The following KCNG2 variants were observed in gnomAD, a reference collection of about 807,000 sequenced individuals.
KCNG2 encodes the protein voltage-gated potassium channel regulatory subunit KCNG2.
Under a neutral mutation model 12.3 loss-of-function variants are expected in KCNG2, and 7 were observed. The observed-to-expected ratio is 0.57, with a 90% confidence interval of 0.32 to 1.07. KCNG2 has a LOEUF of 1.07. Among genes scored for constraint, KCNG2 ranks in the 50% least tolerant of loss-of-function variants. KCNG2 has a pLI of 0.04. For synonymous variants in KCNG2, 414 were observed against 351.4 expected, an observed-to-expected ratio of 1.18 and a Z score of -1.99; for missense variants, 703 against 726.0, an observed-to-expected ratio of 0.97 and a Z score of 0.36.
chr18:79,807,831 G>A (rs1484616681), intron 1 of KCNG2, among the ~76,000 whole-genome samples: 7 of 130,982 alleles, frequency 5.3e-5, no homozygotes, highest in Non-Finnish European at 9.7e-5. Context: ...GCGCTCTGAG[G>A]AGCTGCCGGG....
At chr18:79,816,122 A>G (rs1568243723) in intron 1 of KCNG2, 1 of 152,252 alleles carries the variant, frequency 6.6e-6, no homozygotes, top group African/African-American at 2.4e-5. Flanking sequence ...GTAGAGAAAA[A>G]TAAGAAACAT....
intron 1 of KCNG2, among the ~76,000 whole-genome samples, chr18:79,841,492 T>C (rs1978457883): frequency 6.6e-6 from 1 of 152,202 alleles, no homozygotes; most frequent in Admixed American, 6.5e-5. Context: ...GAGAAAATAT[T>C]TGCAAACTAT....
At chr18:79,845,952 G>A (rs1453673411) in intron 1 of KCNG2, among the ~76,000 whole-genome samples, 4 of 152,018 alleles carry the variant, frequency 2.6e-5, no homozygotes, top group African/African-American at 9.7e-5. Context: ...TTAGCCAGGC[G>A]TAGTGGCGGG....
At chr18:79,878,872 G>A (rs1334950650) in intron 3 of KCNG2, among the ~76,000 whole-genome samples, 1 of 152,242 alleles carries the variant, frequency 6.6e-6, no homozygotes, top group Non-Finnish European at 1.5e-5. Context: ...GTTGTGGAGC[G>A]AGACCTGTGG....
intron 1 of KCNG2, among the ~76,000 whole-genome samples, chr18:79,825,863 G>A (rs1317236412): frequency 1.3e-5 from 2 of 152,260 alleles, no homozygotes; most frequent in Non-Finnish European, 2.9e-5. Flanking sequence ...TGCACTGTCA[G>A]CCTGTCTGTG....
At chr18:79,828,415 C>T (rs1036438011) in intron 1 of KCNG2, among the ~76,000 whole-genome samples, 9 of 149,190 alleles carry the variant, frequency 6.0e-5, no homozygotes, top group African/African-American at 2.2e-4. Flanking sequence ...TCAGTGTGTG[C>T]ATGTTTGGGT....
At chr18:79,836,926 C>T (rs1382274385) in intron 1 of KCNG2, among the ~76,000 whole-genome samples, 1 of 152,150 alleles carries the variant, frequency 6.6e-6, no homozygotes, top group Non-Finnish European at 1.5e-5. Context: ...AATCTCATGT[C>T]CTCACATTTT....
At chr18:79,872,182 G>T (rs1979859356) in intron 3 of KCNG2, among the ~76,000 whole-genome samples, 1 of 148,518 alleles carries the variant, frequency 6.7e-6, no homozygotes, top group African/African-American at 2.5e-5. Flanking sequence ...CAGATTTGAT[G>T]GGGAAAACAT....
In KCNG2 at chr18:79,842,583, A is replaced by G. The variant is rs149972257; in HGVS notation, c.-114-13796A>G. 2.4e-4 allele frequency among the ~76,000 whole-genome samples: 36 copies of G among 152,360 alleles called. 1 individual carries two copies. In the East Asian group the frequency reaches 6.9e-3, roughly 29 times the overall value. ...TAATCTTAAAGAAGCTCAGTGAGCT[A>G]CAAGAGAACACCAATAGACAACTAA... is the stretch of plus-strand genomic sequence containing the variant. On this transcript the variant is annotated intron_variant, in intron 1 of 3. Transcript: ENST00000316249.
chr18:79,821,926 A>G (rs1333932651), intron 1 of KCNG2, among the ~76,000 whole-genome samples: 1 of 152,138 alleles, frequency 6.6e-6, no homozygotes, highest in Non-Finnish European at 1.5e-5. Flanking sequence ...AAGACTCCAT[A>G]TGAATTTTAG....
intron 3 of KCNG2, among the ~76,000 whole-genome samples, chr18:79,888,643 C>T (rs1408342098): frequency 1.3e-5 from 2 of 152,214 alleles, no homozygotes; most frequent in Non-Finnish European, 2.9e-5. Flanking sequence ...TTTTCATGTC[C>T]TTCCTGACAG....
intron 1 of KCNG2, among the ~76,000 whole-genome samples, chr18:79,817,932 G>A (rs2087542256): frequency 6.6e-6 from 1 of 152,226 alleles, no homozygotes; most frequent in African/African-American, 2.4e-5. Context: ...GGTGAATTGG[G>A]CTCTTTCCTG....
intron 3 of KCNG2, among the ~76,000 whole-genome samples, chr18:79,877,094 A>T (rs187355227): frequency 8.5e-5 from 13 of 152,372 alleles, no homozygotes; most frequent in African/African-American, 3.1e-4. Flanking sequence ...TCCCTTACAT[A>T]GATTTAATAT....
chr18:79,867,136 TGTGTG>T (rs1979621499), intron 3 of KCNG2, among the ~76,000 whole-genome samples: 1 of 149,530 alleles, frequency 6.7e-6, no homozygotes, highest in Non-Finnish European at 1.5e-5. Flanking sequence ...CTGAGAGGTC[TGTGTG>T]CCGAGGTCTG....
Position 79,899,306 on chromosome 18 carries a change from C to G in KCNG2, c.891C>G (p.Tyr297Ter). Residue 297 changes from tyrosine to a stop codon, truncating the protein, a stop_gained, in exon 4 of 4, where the codon TAC (tyrosine) becomes TAG (stop). Coordinates refer to ENST00000316249, the MANE Select transcript of KCNG2 (RefSeq NM_012283.2). LOFTEE classifies it low-confidence loss of function (END_TRUNC). ...TGCTGCGTGCGCTGCGCGTGCTCTACGTGATGCGCCTGGCGCGCCACTCGC... is the reference window on the plus strand; with the variant it reads ...TGCTGCGTGCGCTGCGCGTGCTCTAGGTGATGCGCCTGGCGCGCCACTCGC... ...LRLLRALRVL[Y>*]VMRLARHSLG... 6.4e-7 allele frequency: 1 copy of G among 1,560,002 alleles called. No individual in the cohort carries two copies. The highest frequency in any genetic ancestry group is 8.6e-7 in the Non-Finnish European group (1 of 1,162,932).
intron 3 of KCNG2, among the ~76,000 whole-genome samples, chr18:79,874,208 G>A (rs948070576): frequency 7.9e-5 from 12 of 152,238 alleles, no homozygotes; most frequent in Admixed American, 1.3e-4. Flanking sequence ...TTGAAGAAAA[G>A]CTGTACAGCC....
At position 79,814,681 on chromosome 18, in the gene KCNG2, C is replaced by T. The variant is rs146123466; in HGVS notation, c.-115+16667C>T. ...CAGTTTTGCAAGAGGCCACCATTGGCGGAAACTGGGTAAAGGGTACAGGGG... is the reference window on the plus strand; with the variant it reads ...CAGTTTTGCAAGAGGCCACCATTGGTGGAAACTGGGTAAAGGGTACAGGGG... On this transcript the variant is annotated intron_variant, in intron 1 of 3. Transcript: ENST00000316249. Among the ~76,000 whole-genome samples, 18 of 152,288 alleles carry T rather than the reference C, an allele frequency of 1.2e-4. 1 individual carries two copies. The highest frequency in any genetic ancestry group is 4.3e-4 in the African/African-American group (18 of 41,560).
rs1478668160 is a variant in KCNG2 at position 79,800,240 on chromosome 18, G to A, written c.-115+2226G>A. On this transcript the variant is annotated intron_variant, in intron 1 of 3. Transcript: ENST00000316249. This position sits in a 1 kb window ranked among gnomAD's most constrained non-coding sequence, Gnocchi z 4.0. ...GGTAGGGCCTGCAGGACGAGGACAC[G>A]CAGGGCATCCAGGGACGGCCACCTG... Among the ~76,000 whole-genome samples, 3 of 152,172 alleles carry A rather than the reference G, an allele frequency of 2.0e-5. No homozygotes were observed. The highest frequency in any genetic ancestry group is 2.9e-5 in the Non-Finnish European group (2 of 68,038).
At chr18:79,898,993 C>T in intron 3 of KCNG2, 47 bp from the exon 4 acceptor site, 5 of 1,389,902 alleles carry the variant, frequency 3.6e-6, no homozygotes, top group Non-Finnish European at 4.7e-6. Context: ...CGCCCCCGGC[C>T]CTCCAAGAGG....
Sources: gnomAD v4.1 joint callset for allele counts (sites outside exome capture counted in the v4.1 genomes callset) on GRCh38, gnomAD v4.1.1 for gene constraint, Gnocchi (gnomAD v3.1) non-coding constraint, MANE v1.5 for transcripts, NCBI Gene and HGNC (gene_info 2026-07-23, HGNC 2026-07-21) for gene names.